FRAS1: variants seen among roughly 807,000 people sequenced by gnomAD.
FRAS1 encodes the protein extracellular matrix organizing protein FRAS1.
A neutral mutation model predicts 435.2 loss-of-function variants in FRAS1; 290 were observed. That is an observed-to-expected ratio of 0.67 (90% CI 0.61 to 0.73). The LOEUF is 0.73. Among genes scored for constraint, FRAS1 ranks in the 30% least tolerant of loss-of-function variants. The pLI is 0.00. For missense variants in FRAS1, 4,860 were observed against 5,001.5 expected (o/e 0.97, Z 0.85); for synonymous variants, 1,800 against 1,851.0 (o/e 0.97, Z 0.71).
intron 67 of FRAS1, among the ~76,000 whole-genome samples, chr4:78,520,681 G>A (rs1048366451): frequency 3.9e-5 from 6 of 152,044 alleles, no homozygotes; most frequent in Non-Finnish European, 7.4e-5. Context: ...AGGAAATAAT[G>A]ACAAAAAAAT....
chr4:78,499,957 T>G (rs766610741), intron 61 of FRAS1, 36 bp downstream of exon 61: 2 of 1,423,282 alleles, frequency 1.4e-6, no homozygotes, highest in Non-Finnish European at 1.9e-6. Flanking sequence ...TGGGTTTTAC[T>G]TAATAGAGGG....
At position 78,343,290 on chromosome 4, in the gene FRAS1, T is replaced by C. The variant is rs899291834; in HGVS notation, c.2422+5473T>C. ...AGCCTCTTACAGGGTTAGCCAGTGA[T>C]ATGCAGAACAATATTTTGGAGTCCT... On this transcript the variant is annotated intron_variant, in intron 20 of 73. Transcript: ENST00000512123. Among the ~76,000 whole-genome samples the C allele has an allele frequency of 2.3e-4, 28 of 122,218 alleles. No homozygotes were observed. In the Admixed American group the frequency reaches 2.4e-3, roughly 10 times the overall value. 80.2% of individuals were successfully genotyped at this position (122,218 alleles called of 152,430 possible).
intron 20 of FRAS1, 170 bp downstream of exon 20, chr4:78,337,987 A>G (rs990598136): frequency 9.7e-6 from 6 of 617,168 alleles, no homozygotes; most frequent in Non-Finnish European, 1.1e-5. Context: ...TTTAGTAAAT[A>G]CTTGTGGATT....
chr4:78,371,851 A>T (rs961446146), intron 23 of FRAS1, among the ~76,000 whole-genome samples: 1 of 152,234 alleles, frequency 6.6e-6, no homozygotes, highest in African/African-American at 2.4e-5. Context: ...TATTCACAAT[A>T]ACAAGTACAG....
intron 50 of FRAS1, among the ~76,000 whole-genome samples, chr4:78,467,154 GCTAGCAAAAA>G (rs1719557862): frequency 6.6e-6 from 1 of 152,082 alleles, no homozygotes; most frequent in Non-Finnish European, 1.5e-5. Flanking sequence ...CATCTGTCAT[GCTAGCAAAAA>G]CTATGCCTTA....
intron 41 of FRAS1, among the ~76,000 whole-genome samples, chr4:78,442,521 A>G (rs754994681): frequency 1.3e-5 from 2 of 152,238 alleles, no homozygotes; most frequent in Non-Finnish European, 2.9e-5. Context: ...AAGGAAGCTC[A>G]TAGGCAAAGG....
At chr4:78,316,379 C>T (rs962802130) in intron 16 of FRAS1, among the ~76,000 whole-genome samples, 4 of 152,206 alleles carry the variant, frequency 2.6e-5, no homozygotes, top group Admixed American at 1.3e-4. Context: ...CACATCCTCA[C>T]GTCTACCTAC....
At chr4:78,335,286 G>A (rs910005560) in intron 19 of FRAS1, among the ~76,000 whole-genome samples, 21 of 152,250 alleles carry the variant, frequency 1.4e-4, no homozygotes, top group African/African-American at 2.9e-4. Flanking sequence ...CTTCATTGAC[G>A]TCTGTCACCT....
At chr4:78,326,114 A>G (rs1729707596) in intron 18 of FRAS1, among the ~76,000 whole-genome samples, 1 of 147,382 alleles carries the variant, frequency 6.8e-6, no homozygotes, top group East Asian at 2.0e-4. Context: ...AAAAGATTTT[A>G]AGTAGGGAAA....
chr4:78,375,026 G>A (rs192595922), intron 25 of FRAS1, among the ~76,000 whole-genome samples: 22 of 152,170 alleles, frequency 1.4e-4, no homozygotes, highest in East Asian at 1.4e-3. Context: ...ATTCTAATCC[G>A]GGGCCCTTTA....
Position 78,387,443 on chromosome 4 carries a change from G to A in FRAS1, c.3717G>A (p.Gln1239=), listed in dbSNP as rs1307193687. 8 of 1,613,620 alleles carry A rather than the reference G, an allele frequency of 5.0e-6. No homozygotes were observed. The African/African-American group carries it at 1.1e-4, about 22-fold the overall frequency. ...GAGAGAGGGCAACCATCACCACCCA[G>A]ATGCTTGACATCCGAGATGATGACA... The part of the protein sequence containing the change: ...SRGERATITT[Q]MLDIRDDDNP... The change falls in exon 29 of 74, where the codon CAG becomes CAA. Residue 1239 remains glutamine (Q), a synonymous_variant. Transcript: ENST00000512123.
At chr4:78,273,422 C>T (rs56347526) in intron 9 of FRAS1, among the ~76,000 whole-genome samples, 3 of 152,158 alleles carry the variant, frequency 2.0e-5, no homozygotes, top group Non-Finnish European at 2.9e-5. Flanking sequence ...CCAGTTTTTG[C>T]CCATTCAGTA....
chr4:78,286,079 T>C (rs1476438731), intron 13 of FRAS1, among the ~76,000 whole-genome samples: 3 of 152,284 alleles, frequency 2.0e-5, no homozygotes, highest in South Asian at 2.1e-4. Flanking sequence ...CCAAACTGCT[T>C]GGTTTCAAAT....
chr4:78,126,948 C>T (rs551963555), intron 2 of FRAS1, among the ~76,000 whole-genome samples: 40 of 152,240 alleles, frequency 2.6e-4, no homozygotes, highest in Admixed American at 8.5e-4. Context: ...GAATAAGCCC[C>T]AACCATTTAT....
intron 2 of FRAS1, among the ~76,000 whole-genome samples, chr4:78,217,643 A>G (rs1436308685): frequency 6.6e-6 from 1 of 152,128 alleles, no homozygotes; most frequent in Admixed American, 6.5e-5. Flanking sequence ...CAAGGCCTGC[A>G]AAATCTGTTG....
chr4:78,366,801 C>T (rs889155587), intron 22 of FRAS1, among the ~76,000 whole-genome samples: 14 of 152,144 alleles, frequency 9.2e-5, no homozygotes, highest in African/African-American at 2.4e-4. Flanking sequence ...AAGATGTCTG[C>T]GTCAGTACTA....
chr4:78,328,172 A>G (rs1335815324), intron 18 of FRAS1, among the ~76,000 whole-genome samples: 2 of 152,204 alleles, frequency 1.3e-5, no homozygotes, highest in Admixed American at 1.3e-4. Context: ...CCTGTTGTAT[A>G]TAATTGAAAA....
intron 2 of FRAS1, among the ~76,000 whole-genome samples, chr4:78,236,241 C>G (rs1724748891): frequency 6.6e-6 from 1 of 151,736 alleles, no homozygotes; most frequent in Admixed American, 6.6e-5. Context: ...ATTATGGGGT[C>G]TGCATTTTAT....
intron 2 of FRAS1, among the ~76,000 whole-genome samples, chr4:78,120,307 T>A (rs1718936922): frequency 1.3e-5 from 2 of 152,224 alleles, no homozygotes; most frequent in Admixed American, 6.5e-5. Context: ...GCAAGAATCA[T>A]CCTCACCTGT....
Sources: allele counts gnomAD v4.1 joint callset (sites outside exome capture counted in the v4.1 genomes callset), GRCh38; gene constraint gnomAD v4.1.1; transcripts MANE v1.5; gene names NCBI Gene and HGNC (gene_info 2026-07-23, HGNC 2026-07-21).